SNW1: variants seen among roughly 807,000 people sequenced by gnomAD.
SNW1 encodes SNW domain containing 1, also known as SNW domain-containing protein 1.
A neutral mutation model predicts 75.6 loss-of-function variants in SNW1; 9 were observed. That is an observed-to-expected ratio of 0.12 (90% CI 0.07 to 0.21). SNW1 has a LOEUF of 0.21. SNW1 is among the 10% of genes least tolerant of loss of function. The probability of loss-of-function intolerance (pLI) is 1.00; values close to 1 mark genes in which losing one functional copy is unlikely to be tolerated. For synonymous variants in SNW1, 200 were observed against 219.1 expected (o/e 0.91, Z 0.77); for missense variants, 409 against 670.9 (o/e 0.61, Z 4.31).
intron 3 of SNW1, among the ~76,000 whole-genome samples, chr14:77,739,433 C>G (rs949372725): frequency 1.3e-5 from 2 of 152,100 alleles, no homozygotes; most frequent in African/African-American, 4.8e-5. Context: ...ACAAACTCAT[C>G]AGAATTTAAG....
intron 3 of SNW1, among the ~76,000 whole-genome samples, chr14:77,744,446 C>CAAAAA (rs11335115): frequency 8.5e-3 from 702 of 82,174 alleles, no homozygotes; most frequent in African/African-American, 0.01. Context: ...GTCTCCATCT[C>CAAAAA]AAAAAAAAAA....
In SNW1 at chr14:77,756,939, G is replaced by A. The variant is rs116614343; in HGVS notation, c.15-1819C>T. On this transcript the variant is annotated intron_variant, in intron 1 of 13. Transcript: ENST00000261531. ...GCCAAAGAATCAAAGCAGAAGCCCT[G>A]AAGATGCAGCTTATTCTTTAGTCAA... 8.3e-3 allele frequency among the ~76,000 whole-genome samples: 1,271 copies of A among 152,298 alleles called. 13 individuals carry two copies. The highest frequency in any genetic ancestry group is 0.029 in the African/African-American group (1,214 of 41,574).
At chr14:77,735,601 T>G (rs2139908670) in intron 7 of SNW1, among the ~76,000 whole-genome samples, 1 of 152,010 alleles carries the variant, frequency 6.6e-6, no homozygotes, top group African/African-American at 2.4e-5. Flanking sequence ...TTCTTTTGGA[T>G]GAAAAATTGT....
chr14:77,757,983 TTG>T lies in SNW1; in HGVS notation c.15-2865_15-2864del, dbSNP rs1315475678. Among the ~76,000 whole-genome samples the T allele has an allele frequency of 1.1e-4, 17 of 149,688 alleles. No homozygotes were observed. The East Asian group carries it at 2.2e-3, about 19-fold the overall frequency. On this transcript the variant is annotated intron_variant, in intron 1 of 13. Transcript: ENST00000261531. ...ATCAATCAATCACAATTTTTCTCTA[TTG>T]CAATCAATCAATCACAATTTTTCTC...
At position 77,752,587 on chromosome 14, in the gene SNW1, T is replaced by C. The variant is rs2080816897; in HGVS notation, c.169-1107A>G. ...AGCGGTGTTCCTGAGATCTCATAGG[T>C]ATTATATGCAGCACCTGAACCCAGA... On this transcript the variant is annotated intron_variant, in intron 2 of 13. Coordinates refer to ENST00000261531, the MANE Select transcript of SNW1 (RefSeq NM_012245.3). Among the ~76,000 whole-genome samples, 2 of 152,172 alleles carry C rather than the reference T, an allele frequency of 1.3e-5. 1 individual carries two copies. The highest frequency in any genetic ancestry group is 4.1e-4 in the South Asian group (2 of 4,830).
chr14:77,760,938 C>A (rs1343589243), intron 1 of SNW1, 176 bp downstream of exon 1: 1 of 1,443,936 alleles, frequency 6.9e-7, no homozygotes, highest in Non-Finnish European at 9.7e-7. Flanking sequence ...CTGAAAGACC[C>A]CAGCTTCGAC....
intron 1 of SNW1, among the ~76,000 whole-genome samples, chr14:77,759,617 T>C (rs1002762924): frequency 6.6e-6 from 1 of 152,198 alleles, no homozygotes; most frequent in African/African-American, 2.4e-5. Context: ...ATAACTTTAC[T>C]AGTCTATGAC....
At position 77,758,315 on chromosome 14, in the gene SNW1, C is replaced by CAAAAAAAA. The variant is rs55707854; in HGVS notation, c.14+2791_14+2798dup. Among the ~76,000 whole-genome samples the CAAAAAAAA allele has an allele frequency of 2.5e-3, 213 of 85,586 alleles. 4 individuals carry two copies. The highest frequency in any genetic ancestry group is 6.5e-3 in the Middle Eastern group (1 of 154). The allele number at this position is 85,586 out of a possible 152,430, so 56.1% of individuals were successfully genotyped here. A position where few individuals can be genotyped will look rare whatever the true frequency, so the allele number is the denominator to read the frequency against. ...CCTGGGTGAGAGTGAGACTCTGCCA[C>CAAAAAAAA]AAAAAAAAAAAAAAAAAAAAAGAAC... On this transcript the variant is annotated intron_variant, in intron 1 of 13. Transcript: ENST00000261531.
At chr14:77,744,590 T>C (rs1434997927) in intron 3 of SNW1, among the ~76,000 whole-genome samples, 1 of 152,118 alleles carries the variant, frequency 6.6e-6, no homozygotes, top group African/African-American at 2.4e-5. Context: ...TCTACTCTAT[T>C]TTGAATACAA....
rs544270498 is a variant in SNW1, at chr14:77,735,195, A to G, written c.709-183T>C. On this transcript the variant is annotated intron_variant, in intron 7 of 13. Coordinates refer to ENST00000261531, the MANE Select transcript of SNW1 (RefSeq NM_012245.3). ...CATATAATTCTAGTAATAACTTTGA[A>G]CTAGTGTGAAAAATGGAAAATAATC... is the stretch of plus-strand genomic sequence containing the variant. Among the ~76,000 whole-genome samples the G allele has an allele frequency of 3.3e-5, 5 of 152,356 alleles. No individual in the cohort carries two copies. The East Asian group carries it at 9.6e-4, about 29-fold the overall frequency.
At chr14:77,737,991 C>CAAAAAAA (rs35896717) in intron 5 of SNW1, among the ~76,000 whole-genome samples, 8 of 74,138 alleles carry the variant, frequency 1.1e-4, no homozygotes, top group East Asian at 3.7e-4. Flanking sequence ...GACTCCATCT[C>CAAAAAAA]AAAAAAAAAA....
In SNW1 at chr14:77,718,252, G is replaced by A. The variant is rs1205225836; in HGVS notation, c.1447C>T (p.Arg483Cys). 3 of 1,613,358 alleles carry A rather than the reference G, an allele frequency of 1.9e-6. No individual in the cohort carries two copies. Among genetic ancestry groups the A allele is most frequent in the Non-Finnish European group, 1.7e-6 (2 of 1,179,630 alleles). Residue 483 changes from arginine (R) to cysteine (C), a missense_variant, in exon 14 of 14, where the codon CGT (arginine) becomes TGT (cysteine). Physicochemically the swap from Arg to Cys is radical, Grantham distance 180. This residue lies in a region of SNW1 where 126 missense variants were observed against 167.6 expected (regional missense o/e 0.75). Transcript: ENST00000261531. ...VPDKEFSGSD[R>C]RQRGREGPVQ... The stretch of plus-strand genomic sequence containing the variant: ...GGTCCTTCTCGGCCTCTCTGTCTAC[G>A]GTCTGAACCAGAAAACTCCTTGTCG...
At chr14:77,744,794 C>T (rs1208364385) in intron 3 of SNW1, among the ~76,000 whole-genome samples, 6 of 152,122 alleles carry the variant, frequency 3.9e-5, no homozygotes, top group Non-Finnish European at 7.4e-5. Context: ...AGAGGTAGCA[C>T]ATACCAATAA....
intron 11 of SNW1, chr14:77,722,456 T>C (rs1412288633): frequency 8.8e-6 from 4 of 452,418 alleles, no homozygotes; most frequent in African/African-American, 4.0e-5. Flanking sequence ...TGCAGTACTA[T>C]GCATATAAAA....
chr14:77,732,365 G>A (rs1216549481), intron 9 of SNW1, 120 bp downstream of exon 9: 9 of 677,746 alleles, frequency 1.3e-5, no homozygotes, highest in African/African-American at 3.6e-5. Flanking sequence ...TCTGACACAC[G>A]TACCATGGGT....
At chr14:77,734,580 T>C (rs2080654954) in intron 8 of SNW1, among the ~76,000 whole-genome samples, 1 of 151,996 alleles carries the variant, frequency 6.6e-6, no homozygotes, top group Non-Finnish European at 1.5e-5. Flanking sequence ...TCTACTAAAA[T>C]ACGAAAAATT....
intron 3 of SNW1, among the ~76,000 whole-genome samples, chr14:77,749,496 C>G (rs1231419522): frequency 2.0e-5 from 3 of 152,158 alleles, no homozygotes; most frequent in Admixed American, 2.0e-4. Flanking sequence ...AAAGGCCAGG[C>G]AGCCTCATGC....
At position 77,740,395 on chromosome 14, in the gene SNW1, C is replaced by A. The variant is rs576297058; in HGVS notation, c.331-1334G>T. 1.6e-4 allele frequency among the ~76,000 whole-genome samples: 24 copies of A among 152,102 alleles called. No homozygotes were observed. In the South Asian group the frequency reaches 4.8e-3, roughly 30 times the overall value. On this transcript the variant is annotated intron_variant, in intron 3 of 13. Coordinates refer to ENST00000261531, the MANE Select transcript of SNW1 (RefSeq NM_012245.3). ...TCATTAAAAAAGTTTAAAGGAAATG[C>A]ATGCTATTTCTAATTTTCTACTCCA...
intron 11 of SNW1, 145 bp downstream of exon 11, chr14:77,723,036 A>C (rs1012237613): frequency 3.0e-6 from 2 of 658,890 alleles, no homozygotes; most frequent in African/African-American, 3.6e-5. Context: ...TTTAGTAGAC[A>C]CAGGGTTTCA....
Sources: allele counts gnomAD v4.1 joint callset (sites outside exome capture counted in the v4.1 genomes callset), GRCh38; gene constraint gnomAD v4.1.1; regional missense constraint gnomAD v4.1.1; transcripts MANE v1.5; gene names NCBI Gene and HGNC (gene_info 2026-07-23, HGNC 2026-07-21).